EPHA6: variants seen among roughly 807,000 people sequenced by gnomAD.
The protein encoded by EPHA6 is EPH receptor A6, also known as ephrin type-A receptor 6.
A neutral mutation model predicts 112.0 loss-of-function variants in EPHA6; 50 were observed. The observed-to-expected ratio is 0.45, with a 90% CI of 0.36 to 0.56. The LOEUF is 0.56. EPHA6 is among the 20% of genes least tolerant of loss of function. The pLI is 0.00. For missense variants in EPHA6, 1,280 were observed against 1,417.4 expected, an observed-to-expected ratio of 0.90 and a Z score of 1.56; for synonymous variants, 529 against 490.7, an observed-to-expected ratio of 1.08 and a Z score of -1.03.
At chr3:97,258,401 C>A (rs1489871763) in intron 5 of EPHA6, among the ~76,000 whole-genome samples, 1 of 151,946 alleles carries the variant, frequency 6.6e-6, no homozygotes, top group Non-Finnish European at 1.5e-5. Flanking sequence ...AGGACATCAA[C>A]AATAAGCATT....
At chr3:96,979,613 G>C (rs1352141313) in intron 2 of EPHA6, among the ~76,000 whole-genome samples, 1 of 152,172 alleles carries the variant, frequency 6.6e-6, no homozygotes, top group African/African-American at 2.4e-5. Flanking sequence ...CTAGATCCTT[G>C]AGGGATCGCC....
intron 5 of EPHA6, among the ~76,000 whole-genome samples, chr3:97,375,842 T>C (rs2085315660): frequency 6.6e-6 from 1 of 152,138 alleles, no homozygotes; most frequent in Non-Finnish European, 1.5e-5. Flanking sequence ...CTACACACTC[T>C]ATGATTCATT....
intron 11 of EPHA6, among the ~76,000 whole-genome samples, chr3:97,564,610 C>G (rs1280518720): frequency 6.6e-6 from 1 of 152,026 alleles, no homozygotes; most frequent in Non-Finnish European, 1.5e-5. Context: ...AAAACCATGA[C>G]AGATCATGAC....
At chr3:97,089,439 C>A (rs950311545) in intron 3 of EPHA6, among the ~76,000 whole-genome samples, 8 of 151,884 alleles carry the variant, frequency 5.3e-5, no homozygotes, top group African/African-American at 1.9e-4. Context: ...GATGGTGTAT[C>A]TTTCTGTATT....
At chr3:97,567,583 C>T (rs987912243) in intron 11 of EPHA6, among the ~76,000 whole-genome samples, 2 of 152,086 alleles carry the variant, frequency 1.3e-5, no homozygotes, top group African/African-American at 4.8e-5. Context: ...TAAGGTGGGA[C>T]ATTAATCTAA....
chr3:97,386,875 T>C (rs893983067), intron 5 of EPHA6, among the ~76,000 whole-genome samples: 7 of 152,252 alleles, frequency 4.6e-5, no homozygotes, highest in Non-Finnish European at 1.0e-4. Flanking sequence ...AGAAGCTCTC[T>C]AGTCTCAACT....
At chr3:97,212,729 A>G (rs1240137414) in intron 3 of EPHA6, among the ~76,000 whole-genome samples, 3 of 152,228 alleles carry the variant, frequency 2.0e-5, no homozygotes, top group Non-Finnish European at 4.4e-5. Flanking sequence ...AGAAAAGATG[A>G]TAAAAGATAA....
chr3:97,375,074 T>C (rs1198304940), intron 5 of EPHA6, among the ~76,000 whole-genome samples: 1 of 152,176 alleles, frequency 6.6e-6, no homozygotes, highest in African/African-American at 2.4e-5. Context: ...CTTTAGTCAC[T>C]ATTTTTTCCT....
rs745362407 is a variant in EPHA6 at position 97,750,361 on chromosome 3, G to C, written c.*1660G>C. On this transcript the variant is annotated 3_prime_UTR_variant, in exon 18 of 18. Coordinates refer to ENST00000389672, the MANE Select transcript of EPHA6 (RefSeq NM_001080448.3). The stretch of plus-strand genomic sequence containing the variant: ...TTGTTTTTGTTTTTGTTGTTCGTTT[G>C]TTTGTTTTTGAGACGGAGGCGTTTT... Among the ~76,000 whole-genome samples, 6 of 150,804 alleles carry C rather than the reference G, an allele frequency of 4.0e-5. No homozygotes were observed. The highest frequency in any genetic ancestry group is 8.9e-5 in the Non-Finnish European group (6 of 67,736).
At chr3:97,548,906 C>T (rs2092993676) in intron 11 of EPHA6, among the ~76,000 whole-genome samples, 1 of 152,138 alleles carries the variant, frequency 6.6e-6, no homozygotes, top group Non-Finnish European at 1.5e-5. Context: ...GAAGGTGAAG[C>T]CATCGGATTA....
At chr3:97,518,261 G>T (rs1182605445) in intron 10 of EPHA6, among the ~76,000 whole-genome samples, 1 of 152,064 alleles carries the variant, frequency 6.6e-6, no homozygotes, top group Non-Finnish European at 1.5e-5. Flanking sequence ...GTTATCTTTT[G>T]TGTTTTTGAC....
At chr3:97,625,999 G>A (rs1485719760) in intron 13 of EPHA6, among the ~76,000 whole-genome samples, 1 of 151,728 alleles carries the variant, frequency 6.6e-6, no homozygotes, top group Non-Finnish European at 1.5e-5. Context: ...CAAAGTAGTA[G>A]AAGAGTTTTT....
At chr3:97,554,546 G>A (rs1019541635) in intron 11 of EPHA6, among the ~76,000 whole-genome samples, 8 of 152,118 alleles carry the variant, frequency 5.3e-5, no homozygotes, top group African/African-American at 1.9e-4. Flanking sequence ...GCAATACAAA[G>A]CTTTTTGGTG....
chr3:97,640,627 A>T (rs1307104181), intron 14 of EPHA6, among the ~76,000 whole-genome samples: 1 of 152,090 alleles, frequency 6.6e-6, no homozygotes, highest in Non-Finnish European at 1.5e-5. Context: ...AAAAAAAAAA[A>T]AAATTAGCCA....
chr3:97,528,668 T>A (rs942342458), intron 10 of EPHA6, among the ~76,000 whole-genome samples: 6 of 152,192 alleles, frequency 3.9e-5, no homozygotes, highest in African/African-American at 1.4e-4. Context: ...AAAGTGATCC[T>A]GATACAGTGG....
intron 14 of EPHA6, among the ~76,000 whole-genome samples, chr3:97,650,174 G>T (rs1410176299): frequency 2.0e-5 from 3 of 152,248 alleles, no homozygotes; most frequent in Non-Finnish European, 2.9e-5. Flanking sequence ...CATGGTAAAA[G>T]TCTTCTCCAA....
intron 5 of EPHA6, among the ~76,000 whole-genome samples, chr3:97,400,315 T>C (rs2086921585): frequency 6.6e-6 from 1 of 151,804 alleles, no homozygotes; most frequent in Non-Finnish European, 1.5e-5. Flanking sequence ...GGTATTGAAA[T>C]GTGTTTCTAT....
At chr3:96,843,427 C>T (rs2107333902) in intron 1 of EPHA6, among the ~76,000 whole-genome samples, 1 of 152,092 alleles carries the variant, frequency 6.6e-6, no homozygotes, top group South Asian at 2.1e-4. Context: ...TTAAATAAGA[C>T]TCTTAAAATA....
At position 97,713,520 on chromosome 3, in the gene EPHA6, A is replaced by C. The variant is rs548250913; in HGVS notation, c.2785-6741A>C. Among the ~76,000 whole-genome samples the C allele has an allele frequency of 7.8e-4, 119 of 152,350 alleles. 1 individual carries two copies. Among genetic ancestry groups the C allele is most frequent in the Non-Finnish European group, 1.4e-3 (98 of 68,026 alleles). On this transcript the variant is annotated intron_variant, in intron 14 of 17. Transcript: ENST00000389672. Reference sequence around the variant, plus strand: ...CAGCTTATAAAAATTGGTTATTAAGAACCAATATTTTAAAAATACTGTGCC... The same window carrying C: ...CAGCTTATAAAAATTGGTTATTAAGCACCAATATTTTAAAAATACTGTGCC...
Sources: gnomAD v4.1 joint callset for allele counts (sites outside exome capture counted in the v4.1 genomes callset) on GRCh38, gnomAD v4.1.1 for gene constraint, MANE v1.5 for transcripts, NCBI Gene and HGNC (gene_info 2026-07-23, HGNC 2026-07-21) for gene names.